The following STK24 variants were observed in gnomAD, a reference collection of about 807,000 sequenced individuals.
STK24 encodes the protein serine/threonine-protein kinase 24.
Under a neutral mutation model 55.6 loss-of-function variants are expected in STK24, and 21 were observed. That is an observed-to-expected ratio of 0.38 (90% CI 0.27 to 0.54). The LOEUF (loss-of-function observed/expected upper bound fraction) is 0.54, where lower values mean the gene tolerates loss of function less well. Ranked by LOEUF, STK24 falls within the 20% of genes least tolerant of loss-of-function variation. STK24 has a pLI of 0.79. For missense variants in STK24, 383 were observed against 538.4 expected (o/e 0.71, Z 2.86); for synonymous variants, 200 against 215.2 (o/e 0.93, Z 0.62).
At chr13:98,464,316 G>T (rs1893843964) in intron 6 of STK24, among the ~76,000 whole-genome samples, 1 of 151,678 alleles carries the variant, frequency 6.6e-6, no homozygotes, top group African/African-American at 2.4e-5. Flanking sequence ...CTACTCAGGA[G>T]GCTGAGGCAG....
intron 1 of STK24, among the ~76,000 whole-genome samples, chr13:98,524,353 G>A (rs1358784929): frequency 6.6e-6 from 1 of 152,136 alleles, no homozygotes; most frequent in Non-Finnish European, 1.5e-5. Flanking sequence ...GGACCCCGCA[G>A]TGTTCGCTCT....
intron 1 of STK24, among the ~76,000 whole-genome samples, chr13:98,529,891 C>T (rs865982178): frequency 2.0e-5 from 3 of 152,244 alleles, no homozygotes; most frequent in South Asian, 2.1e-4. Context: ...CAGAAATCCA[C>T]GGACCTTTAA....
At chr13:98,574,923 C>A (rs530571373) in intron 1 of STK24, among the ~76,000 whole-genome samples, 1 of 152,176 alleles carries the variant, frequency 6.6e-6, no homozygotes, top group Non-Finnish European at 1.5e-5. Flanking sequence ...ACTGACTTCA[C>A]GGCACCAGCC....
At chr13:98,469,467 T>G (rs1400325974) in intron 5 of STK24, among the ~76,000 whole-genome samples, 3 of 151,898 alleles carry the variant, frequency 2.0e-5, no homozygotes, top group African/African-American at 7.3e-5. Flanking sequence ...GAGAATCATT[T>G]GAACCTGGGA....
chr13:98,558,056 A>AT (rs1287003244), intron 1 of STK24, among the ~76,000 whole-genome samples: 6 of 151,916 alleles, frequency 3.9e-5, no homozygotes, highest in Non-Finnish European at 7.4e-5. Context: ...CCATAAATGC[A>AT]TTTTTTCCCA....
At chr13:98,457,051 G>A in intron 10 of STK24, 117 bp downstream of exon 10, 1 of 1,244,610 alleles carries the variant, frequency 8.0e-7, no homozygotes, top group Non-Finnish European at 1.1e-6. Context: ...TCTACCCTGA[G>A]GCCTGCAAGA....
chr13:98,546,576 C>G (rs1352443347), intron 1 of STK24, among the ~76,000 whole-genome samples: 1 of 152,220 alleles, frequency 6.6e-6, no homozygotes, highest in South Asian at 2.1e-4. Flanking sequence ...TGTCCTTCCA[C>G]CTGGTCTCGC....
chr13:98,465,577 T>C lies in STK24; in HGVS notation c.783+799A>G, dbSNP rs1893898204. On this transcript the variant is annotated intron_variant, in intron 6 of 10. Transcript: ENST00000539966. ...ACTGGTGTGGTGGTCTCAGCCTGCA[T>C]CTCCTTAGACGTACTTAGAAAATGT... Among the ~76,000 whole-genome samples, 6 of 152,222 alleles carry C rather than the reference T, an allele frequency of 3.9e-5. No individual in the cohort carries two copies. In the South Asian group the frequency reaches 1.2e-3, roughly 31 times the overall value.
chr13:98,563,484 GT>G (rs1566407068), intron 1 of STK24, among the ~76,000 whole-genome samples: 1 of 152,190 alleles, frequency 6.6e-6, no homozygotes, highest in African/African-American at 2.4e-5. Context: ...GCAAATCTCT[GT>G]AACTCCTCTT....
chr13:98,576,704 C>A, intron 1 of STK24, 41 bp downstream of exon 1: 1 of 1,448,240 alleles, frequency 6.9e-7, no homozygotes. Context: ...CTGCTTCCGC[C>A]CCGGTCGCGC....
intron 5 of STK24, among the ~76,000 whole-genome samples, chr13:98,473,603 C>T (rs1894244060): frequency 6.6e-6 from 1 of 152,164 alleles, no homozygotes; most frequent in South Asian, 2.1e-4. Flanking sequence ...GGGGTAGAGA[C>T]ACTCCCAGGC....
chr13:98,559,382 C>T (rs1371431134), intron 1 of STK24, among the ~76,000 whole-genome samples: 2 of 152,246 alleles, frequency 1.3e-5, no homozygotes, highest in East Asian at 1.9e-4. Flanking sequence ...AAGGGCAGTT[C>T]CCCTGCACAC....
intron 1 of STK24, chr13:98,521,821 G>A (rs767224704): frequency 1.0e-5 from 8 of 783,898 alleles, no homozygotes; most frequent in Non-Finnish European, 1.7e-5. Flanking sequence ...TTTATTCAAG[G>A]CCAGTCCCCA....
intron 1 of STK24, among the ~76,000 whole-genome samples, chr13:98,536,103 A>G (rs1489355279): frequency 6.6e-6 from 1 of 152,216 alleles, no homozygotes; most frequent in Non-Finnish European, 1.5e-5. Context: ...GGTCATAGAC[A>G]AGGTTGATTT....
At chr13:98,576,637 C>T in intron 1 of STK24, 108 bp downstream of exon 1, 2 of 951,324 alleles carry the variant, frequency 2.1e-6, no homozygotes, top group Non-Finnish European at 2.9e-6. Context: ...AGCCAGGCTC[C>T]GGCGCGACCC....
chr13:98,449,005 G>C lies in STK24; in HGVS notation c.*4168C>G, dbSNP rs1179676755. On this transcript the variant is annotated 3_prime_UTR_variant, in exon 11 of 11. Coordinates refer to ENST00000539966, the MANE Select transcript of STK24 (RefSeq NM_001032296.4). ...AACTCTTTCCAACCGTAGCAGGGTT[G>C]TTTTCTGTTAAGCAAAGCCGAGATC... The C allele has an allele frequency of 1.3e-5, 2 of 152,198 alleles. No individual in the cohort carries two copies. Among genetic ancestry groups the C allele is most frequent in the African/African-American group, 4.8e-5 (2 of 41,432 alleles). 9.4% of individuals were successfully genotyped at this position (152,198 alleles called of 1,614,324 possible). A position where few individuals can be genotyped will look rare whatever the true frequency, so the allele number is the denominator to read the frequency against.
chr13:98,548,720 G>A (rs1897089017), intron 1 of STK24, among the ~76,000 whole-genome samples: 1 of 152,034 alleles, frequency 6.6e-6, no homozygotes, highest in Non-Finnish European at 1.5e-5. Context: ...AAATTAGCCA[G>A]GCATGGTGGC....
intron 1 of STK24, among the ~76,000 whole-genome samples, chr13:98,559,582 A>G (rs1897364494): frequency 2.0e-5 from 3 of 152,172 alleles, no homozygotes; most frequent in Non-Finnish European, 4.4e-5. Context: ...AGTTTTTGTC[A>G]TGCGATTAAA....
intron 1 of STK24, among the ~76,000 whole-genome samples, chr13:98,530,328 T>C (rs998544603): frequency 7.2e-5 from 11 of 152,208 alleles, no homozygotes; most frequent in Non-Finnish European, 1.3e-4. Flanking sequence ...ATAAAGGAAC[T>C]AGATTGCCAG....
Sources: gnomAD v4.1 joint callset for allele counts (sites outside exome capture counted in the v4.1 genomes callset) on GRCh38, gnomAD v4.1.1 for gene constraint, MANE v1.5 for transcripts, NCBI Gene and HGNC (gene_info 2026-07-23, HGNC 2026-07-21) for gene names.